Variants in TMEM94 observed in about 807,000 individuals in gnomAD.
The protein encoded by TMEM94 is ER Mg2+ ATPase.
In TMEM94, 81 loss-of-function variants were observed where a neutral mutation model predicts 158.6. The observed-to-expected ratio is 0.51, with a 90% CI of 0.43 to 0.61. The LOEUF is 0.61. TMEM94 is among the 20% of genes least tolerant of loss of function. The pLI, the probability that TMEM94 is intolerant of heterozygous loss-of-function variation, is 0.00. For missense variants in TMEM94, 1,435 were observed against 1,762.0 expected (o/e 0.81, Z 3.32); for synonymous variants, 751 against 730.7 (o/e 1.03, Z -0.45).
intron 2 of TMEM94, among the ~76,000 whole-genome samples, chr17:75,478,003 CTTT>C (rs909668190): frequency 1.7e-5 from 1 of 57,880 alleles, no homozygotes; most frequent in African/African-American, 1.0e-4. Flanking sequence ...GAGACTCCAT[CTTT>C]TTTTTTTTTT....
Position 75,499,574 on chromosome 17 carries a change from C to G in TMEM94, c.*240C>G. 1.8e-6 allele frequency: 1 copy of G among 571,124 alleles called. No individual in the cohort carries two copies. The highest frequency in any genetic ancestry group is 3.1e-6 in the Non-Finnish European group (1 of 320,964). 35.4% of individuals were successfully genotyped at this position (571,124 alleles called of 1,614,324 possible). A position where few individuals can be genotyped will look rare whatever the true frequency, so the allele number is the denominator to read the frequency against. Reference sequence around the variant, plus strand: ...TCTTCCCTGGGCCTCACCAGGGACACTCTTGAATGTATGGCCTCAGGCGCT... The same window carrying G: ...TCTTCCCTGGGCCTCACCAGGGACAGTCTTGAATGTATGGCCTCAGGCGCT... On this transcript the variant is annotated 3_prime_UTR_variant, in exon 32 of 32. Transcript: ENST00000314256.
At chr17:75,482,114 G>A (rs1398697498) in intron 2 of TMEM94, among the ~76,000 whole-genome samples, 2 of 152,138 alleles carry the variant, frequency 1.3e-5, no homozygotes, top group African/African-American at 4.8e-5. Flanking sequence ...AGGCCAAGGC[G>A]GGCAGATTGC....
At chr17:75,464,663 C>CTTT in intron 1 of TMEM94, among the ~76,000 whole-genome samples, 2 of 128,118 alleles carry the variant, frequency 1.6e-5, no homozygotes, top group African/African-American at 6.0e-5. Context: ...TTCCTTCCTT[C>CTTT]CTTCCTTCCT....
chr17:75,485,319 C>A lies in TMEM94; in HGVS notation c.25-109C>A. 7.8e-7 allele frequency: 1 copy of A among 1,289,840 alleles called. No individual in the cohort carries two copies. Among genetic ancestry groups the A allele is most frequent in the Non-Finnish European group, 1.1e-6 (1 of 931,674 alleles). The allele number at this position is 1,289,840 out of a possible 1,614,324, so 79.9% of individuals were successfully genotyped here. A position where few individuals can be genotyped will look rare whatever the true frequency, so the allele number is the denominator to read the frequency against. ...CTGGTAGGGGAAGAGATGTGAGGATCCCAGAGGAGGGGAAGGATGAAGGGC... is the reference window on the plus strand; with the variant it reads ...CTGGTAGGGGAAGAGATGTGAGGATACCAGAGGAGGGGAAGGATGAAGGGC... On this transcript the variant is annotated intron_variant, in intron 2 of 31. Transcript: ENST00000314256. This position sits in a 1 kb window ranked among gnomAD's most constrained non-coding sequence, Gnocchi z 5.5.
chr17:75,491,295 C>A lies in TMEM94; in HGVS notation c.1234-8C>A, dbSNP rs1487881997. The A allele has an allele frequency of 1.2e-6, 2 of 1,613,696 alleles. No homozygotes were observed. Among genetic ancestry groups the A allele is most frequent in the East Asian group, 2.2e-5 (1 of 44,898 alleles). On this transcript the variant is annotated splice_polypyrimidine_tract_variant and splice_region_variant and intron_variant, in intron 12 of 31. Coordinates refer to ENST00000314256, the MANE Select transcript of TMEM94 (RefSeq NM_014738.6). The surrounding 1 kb of genome is among the most constrained non-coding windows in gnomAD (Gnocchi z 5.1). ...GCCCCTTTCCTATCTCAAATGCTTT[C>A]CATGCAGGTCCTGTGCTGTGTGGAC... is the stretch of plus-strand genomic sequence containing the variant.
intron 2 of TMEM94, among the ~76,000 whole-genome samples, chr17:75,473,833 G>C (rs947718248): frequency 7.9e-5 from 12 of 152,214 alleles, no homozygotes; most frequent in Non-Finnish European, 1.5e-4. Context: ...AGTACAAGCA[G>C]GCTGGGCACA....
rs773322618 is a variant in TMEM94 at position 75,499,047 on chromosome 17, G to A, written c.3963G>A (p.Val1321=). Residue 1321 remains valine, a synonymous_variant, in exon 31 of 32, where the codon GTG becomes GTA. Transcript: ENST00000314256. The stretch of plus-strand genomic sequence containing the variant: ...GCTGCCTGTCCCTGGTCCTTGTGGT[G>A]GTGACCAATGAGATCGTGAAGCTAC... ...LLGCLSLVLV[V]VTNEIVKLHE... is the part of the protein sequence containing the mutation. 3.1e-6 allele frequency: 5 copies of A among 1,597,522 alleles called. No individual in the cohort carries two copies. Among genetic ancestry groups the A allele is most frequent in the Non-Finnish European group, 4.3e-6 (5 of 1,173,076 alleles).
intron 1 of TMEM94, among the ~76,000 whole-genome samples, chr17:75,471,087 A>G (rs1369639470): frequency 6.6e-6 from 1 of 151,428 alleles, no homozygotes. Context: ...AAATACAAAA[A>G]TTAGCCGGGC....
chr17:75,479,865 C>T (rs1398411946), intron 2 of TMEM94, among the ~76,000 whole-genome samples: 1 of 152,132 alleles, frequency 6.6e-6, no homozygotes, highest in Non-Finnish European at 1.5e-5. Flanking sequence ...CTGCAGTGAG[C>T]CCTGATGGCA....
In TMEM94 at chr17:75,495,645, T is replaced by G. The variant is rs1433052183; in HGVS notation, c.2944+2T>G. Reference sequence around the variant, plus strand: ...TTTTCACCGACTGCACCCCAGAGAGTGAGTGCTGTGGCCATGGGTACTTGG... The same window carrying G: ...TTTTCACCGACTGCACCCCAGAGAGGGAGTGCTGTGGCCATGGGTACTTGG... On this transcript the variant is annotated splice_donor_variant, in intron 22 of 31. Coordinates refer to ENST00000314256, the MANE Select transcript of TMEM94 (RefSeq NM_014738.6). LOFTEE classifies it high-confidence loss of function. The surrounding 1 kb of genome is among the most constrained non-coding windows in gnomAD (Gnocchi z 5.6). 1.2e-6 allele frequency: 2 copies of G among 1,612,676 alleles called. No homozygotes were observed. Among genetic ancestry groups the G allele is most frequent in the African/African-American group, 1.3e-5 (1 of 74,778 alleles).
At chr17:75,476,124 G>C (rs1275021899) in intron 2 of TMEM94, among the ~76,000 whole-genome samples, 1 of 152,210 alleles carries the variant, frequency 6.6e-6, no homozygotes, top group East Asian at 1.9e-4. Flanking sequence ...TCTCATGGAT[G>C]ATGGGCTCAC....
In TMEM94 at chr17:75,492,799, C is replaced by G. The variant is rs776301379; in HGVS notation, c.1912+10C>G. On this transcript the variant is annotated intron_variant, in intron 15 of 31. Coordinates refer to ENST00000314256, the MANE Select transcript of TMEM94 (RefSeq NM_014738.6). The surrounding 1 kb of genome is among the most constrained non-coding windows in gnomAD (Gnocchi z 4.4). ...CTTGCCCGCCTCATTGGTACAGGTC[C>G]CCATGGCAGGGGATGGCTGGCTGGA... 1 of 1,596,214 alleles carries G rather than the reference C, an allele frequency of 6.3e-7. No homozygotes were observed. Among genetic ancestry groups the G allele is most frequent in the Non-Finnish European group, 8.5e-7 (1 of 1,172,142 alleles).
rs1375400155 is a variant in TMEM94, at chr17:75,492,277, A to G, written c.1597-197A>G. On this transcript the variant is annotated intron_variant, in intron 14 of 31. Transcript: ENST00000314256. This position sits in a 1 kb window ranked among gnomAD's most constrained non-coding sequence, Gnocchi z 4.4. ...CATGAGATATATTAATAGTCCATAG[A>G]AGCAGACAGGAGCCCAAGAAGGACA... 1 of 1,426,908 alleles carries G rather than the reference A, an allele frequency of 7.0e-7. No individual in the cohort carries two copies. Among genetic ancestry groups the G allele is most frequent in the Non-Finnish European group, 9.1e-7 (1 of 1,096,210 alleles). 88.4% of individuals were successfully genotyped at this position (1,426,908 alleles called of 1,614,324 possible).
chr17:75,490,995 A>G, intron 11 of TMEM94, 54 bp from the exon 12 acceptor site: 2 of 1,413,564 alleles, frequency 1.4e-6, no homozygotes, highest in South Asian at 1.3e-5. Context: ...GGCCGTCTCC[A>G]GGGAAATGAG....
At position 75,492,522 on chromosome 17, in the gene TMEM94, T is replaced by C; in HGVS notation, c.1645T>C (p.Cys549Arg). The C allele has an allele frequency of 6.2e-7, 1 of 1,612,452 alleles. No homozygotes were observed. Residue 549 changes from cysteine to arginine, a missense_variant, in exon 15 of 32, where the codon TGT (cysteine) becomes CGT (arginine). Around this residue, in one of 3 missense-constraint regions of TMEM94, gnomAD observed 1,051 missense variants for 1,254.4 expected, o/e 0.84. Coordinates refer to ENST00000314256, the MANE Select transcript of TMEM94 (RefSeq NM_014738.6). This position sits in a 1 kb window ranked among gnomAD's most constrained non-coding sequence, Gnocchi z 4.4. ...SDPYEAEDFV[C>R]DYHLEMLSLS... ...CCCCTACGAAGCAGAGGACTTTGTG[T>C]GTGACTACCACCTGGAGATGCTGAG...
rs2051684876 is a variant in TMEM94 at position 75,487,042 on chromosome 17, C to T, written c.409+616C>T. On this transcript the variant is annotated intron_variant, in intron 5 of 31. Transcript: ENST00000314256. The surrounding 1 kb of genome is among the most constrained non-coding windows in gnomAD (Gnocchi z 4.6). Reference sequence around the variant, plus strand: ...ACTCATGAGACCTTTCTCCAACAGACCTGGGCAGTGGACGTTTAGATGCTA... The same window carrying T: ...ACTCATGAGACCTTTCTCCAACAGATCTGGGCAGTGGACGTTTAGATGCTA... 6.6e-6 allele frequency among the ~76,000 whole-genome samples: 1 copy of T among 152,138 alleles called. No homozygotes were observed. Among genetic ancestry groups the T allele is most frequent in the Non-Finnish European group, 1.5e-5 (1 of 68,030 alleles).
rs1346707869 is a variant in TMEM94 at position 75,488,066 on chromosome 17, C to T, written c.544C>T (p.Leu182=). The stretch of plus-strand genomic sequence containing the variant: ...CCTGGTCAACCTGCCAGTCAGCCTG[C>T]TGGTTGAAGGAGACATCATAGCTTT... ...GHLVNLPVSL[L]VEGDIIALRP... The change falls in exon 6 of 32, where the codon CTG becomes TTG. Residue 182 remains leucine, a synonymous_variant. Transcript: ENST00000314256. 2.5e-6 allele frequency: 4 copies of T among 1,614,092 alleles called. No individual in the cohort carries two copies. The African/African-American group carries it at 4.0e-5, about 16-fold the overall frequency.
intron 2 of TMEM94, among the ~76,000 whole-genome samples, chr17:75,482,524 A>ATATGTATG (rs57220539): frequency 1.2e-3 from 167 of 145,210 alleles, no homozygotes; most frequent in Non-Finnish European, 1.8e-3. Flanking sequence ...AAATATATAT[A>ATATGTATG]TATGTATGTA....
intron 1 of TMEM94, among the ~76,000 whole-genome samples, chr17:75,469,517 G>T (rs967650691): frequency 4.6e-5 from 7 of 151,348 alleles, no homozygotes; most frequent in African/African-American, 1.7e-4. Context: ...GCTAATTTTT[G>T]TATTTTTAGT....
Sources: gnomAD v4.1 joint callset for allele counts (sites outside exome capture counted in the v4.1 genomes callset) on GRCh38, gnomAD v4.1.1 for gene constraint, gnomAD v4.1.1 regional missense constraint, Gnocchi (gnomAD v3.1) non-coding constraint, MANE v1.5 for transcripts, NCBI Gene and HGNC (gene_info 2026-07-23, HGNC 2026-07-21) for gene names.